The following CDKAL1 variants were observed in gnomAD, a reference collection of about 807,000 sequenced individuals.
The protein encoded by CDKAL1 is CDKAL1 threonylcarbamoyladenosine tRNA methylthiotransferase.
CDKAL1 carries 32 observed loss-of-function variants against 68.2 expected under a neutral mutation model. That is an observed-to-expected ratio of 0.47 (90% CI 0.35 to 0.63). The LOEUF (loss-of-function observed/expected upper bound fraction) is 0.63. Among genes scored for constraint, CDKAL1 ranks in the 30% least tolerant of loss-of-function variants. CDKAL1 has a pLI of 0.00. For synonymous variants in CDKAL1, 234 were observed against 244.3 expected, an observed-to-expected ratio of 0.96 and a Z score of 0.39; for missense variants, 606 against 696.7, an observed-to-expected ratio of 0.87 and a Z score of 1.47.
chr6:21,109,152 G>A (rs531216316), intron 13 of CDKAL1, among the ~76,000 whole-genome samples: 6 of 152,232 alleles, frequency 3.9e-5, no homozygotes, highest in African/African-American at 1.4e-4. Context: ...TTAAGAAAAT[G>A]CTTAACTCCA....
intron 15 of CDKAL1, among the ~76,000 whole-genome samples, chr6:21,206,690 G>A (rs148439861): frequency 1.3e-5 from 2 of 152,252 alleles, no homozygotes; most frequent in African/African-American, 2.4e-5. Flanking sequence ...AGTCTGTCAG[G>A]TTTGGGTTCT....
intron 5 of CDKAL1, among the ~76,000 whole-genome samples, chr6:20,672,572 C>T (rs946305381): frequency 2.6e-5 from 4 of 152,010 alleles, no homozygotes; most frequent in African/African-American, 9.7e-5. Context: ...GGTGGCTGGT[C>T]TCGAACTCCT....
At chr6:20,727,909 T>A (rs1041728062) in intron 5 of CDKAL1, among the ~76,000 whole-genome samples, 11 of 152,232 alleles carry the variant, frequency 7.2e-5, no homozygotes, top group Admixed American at 7.2e-4. Flanking sequence ...TAATTTTCTT[T>A]TGCTGTTTTT....
At chr6:21,022,478 G>A (rs1768722282) in intron 11 of CDKAL1, among the ~76,000 whole-genome samples, 1 of 152,166 alleles carries the variant, frequency 6.6e-6, no homozygotes, top group African/African-American at 2.4e-5. Flanking sequence ...CTAAGTGGCG[G>A]GTTGACTGCA....
chr6:21,186,287 G>A (rs1048501533), intron 13 of CDKAL1, among the ~76,000 whole-genome samples: 13 of 152,184 alleles, frequency 8.5e-5, no homozygotes, highest in Admixed American at 5.9e-4. Context: ...TGTACTGCAC[G>A]TGTTATTTAT....
At chr6:20,820,348 C>A (rs1777226869) in intron 8 of CDKAL1, among the ~76,000 whole-genome samples, 1 of 152,114 alleles carries the variant, frequency 6.6e-6, no homozygotes, top group Non-Finnish European at 1.5e-5. Context: ...CTGTTTGAGG[C>A]CTTTTCTGAG....
At chr6:20,568,449 T>C (rs1171105727) in intron 4 of CDKAL1, among the ~76,000 whole-genome samples, 12 of 151,702 alleles carry the variant, frequency 7.9e-5, no homozygotes, top group African/African-American at 2.9e-4. Flanking sequence ...TATTAAGAAA[T>C]GTGGGCCTGG....
At chr6:20,935,950 G>T (rs1420957735) in intron 9 of CDKAL1, among the ~76,000 whole-genome samples, 1 of 152,048 alleles carries the variant, frequency 6.6e-6, no homozygotes, top group Non-Finnish European at 1.5e-5. Flanking sequence ...TCTTTCCTCG[G>T]AGACAAATGT....
chr6:21,035,594 G>A (rs1433294659), intron 11 of CDKAL1, among the ~76,000 whole-genome samples: 2 of 152,076 alleles, frequency 1.3e-5, no homozygotes, highest in African/African-American at 2.4e-5. Flanking sequence ...ACTGTAAAAT[G>A]TATTAATACA....
intron 4 of CDKAL1, among the ~76,000 whole-genome samples, chr6:20,553,633 C>A (rs564072580): frequency 2.0e-5 from 3 of 152,162 alleles, no homozygotes; most frequent in Non-Finnish European, 2.9e-5. Context: ...TTTTTTGTTA[C>A]GTAGTCTCAC....
chr6:21,082,809 T>C (rs914489002), intron 12 of CDKAL1, among the ~76,000 whole-genome samples: 10 of 152,028 alleles, frequency 6.6e-5, no homozygotes, highest in African/African-American at 2.2e-4. Context: ...TAATTGCATA[T>C]ATATAATGTG....
At chr6:20,721,413 T>C (rs1300565857) in intron 5 of CDKAL1, among the ~76,000 whole-genome samples, 3 of 152,210 alleles carry the variant, frequency 2.0e-5, no homozygotes, top group African/African-American at 7.2e-5. Context: ...TCATTCTTTT[T>C]ATGGCCAAAT....
At chr6:20,608,831 C>T (rs1396009493) in intron 4 of CDKAL1, among the ~76,000 whole-genome samples, 1 of 152,150 alleles carries the variant, frequency 6.6e-6, no homozygotes, top group East Asian at 1.9e-4. Flanking sequence ...AAAAGATTTG[C>T]ATGATATGCT....
chr6:21,230,743 G>C (rs1779935420), intron 15 of CDKAL1, 105 bp from the exon 16 acceptor site: 1 of 849,784 alleles, frequency 1.2e-6, no homozygotes, highest in Non-Finnish European at 1.7e-6. Flanking sequence ...TGTTGAAGGA[G>C]TACATAAAAG....
At chr6:21,046,239 A>G (rs1210576552) in intron 11 of CDKAL1, among the ~76,000 whole-genome samples, 3 of 152,138 alleles carry the variant, frequency 2.0e-5, no homozygotes, top group African/African-American at 4.8e-5. Flanking sequence ...GACTAATGTT[A>G]TTTCCTTCCC....
chr6:20,577,455 AAGT>A (rs2127685244), intron 4 of CDKAL1, among the ~76,000 whole-genome samples: 1 of 152,300 alleles, frequency 6.6e-6, no homozygotes, highest in Non-Finnish European at 1.5e-5. Flanking sequence ...CCCCAGGCCT[AAGT>A]GTATTATTGA....
intron 5 of CDKAL1, among the ~76,000 whole-genome samples, chr6:20,680,669 CTCTG>C (rs1274250893): frequency 1.3e-5 from 2 of 152,186 alleles, no homozygotes; most frequent in Admixed American, 1.3e-4. Context: ...CTCCCTCTGT[CTCTG>C]TCTGTGATTC....
intron 5 of CDKAL1, among the ~76,000 whole-genome samples, chr6:20,704,468 T>TA (rs370259646): frequency 1.4e-5 from 2 of 146,962 alleles, no homozygotes; most frequent in East Asian, 3.9e-4. Flanking sequence ...GAAACAGCAA[T>TA]AAAAAAAACA....
chr6:20,543,154 A>G (rs1213391428), intron 2 of CDKAL1, among the ~76,000 whole-genome samples: 3 of 152,218 alleles, frequency 2.0e-5, no homozygotes, highest in South Asian at 4.1e-4. Context: ...TTGTCTGAAT[A>G]CAAGTCTTTA....
Sources: allele counts gnomAD v4.1 joint callset (sites outside exome capture counted in the v4.1 genomes callset), GRCh38; gene constraint gnomAD v4.1.1; transcripts MANE v1.5; gene names NCBI Gene and HGNC (gene_info 2026-07-23, HGNC 2026-07-21).